Variants in PAM observed in about 807,000 individuals in gnomAD.
The protein encoded by PAM is peptidylglycine alpha-amidating monooxygenase, also known as peptidyl-glycine alpha-amidating monooxygenase.
Under a neutral mutation model 122.1 loss-of-function variants are expected in PAM, and 72 were observed. The ratio of observed to expected loss-of-function variants is 0.59; its 90% CI spans 0.49 to 0.72. The LOEUF is 0.72. Among genes scored for constraint, PAM ranks in the 30% least tolerant of loss-of-function variants. The probability of loss-of-function intolerance (pLI) is 0.00; values close to 1 mark genes in which losing one functional copy is unlikely to be tolerated. For synonymous variants in PAM, 389 were observed against 404.4 expected, an observed-to-expected ratio of 0.96 and a Z score of 0.46; for missense variants, 1,106 against 1,183.7, an observed-to-expected ratio of 0.93 and a Z score of 0.96.
intron 5 of PAM, among the ~76,000 whole-genome samples, chr5:102,916,917 G>A (rs1803306884): frequency 6.6e-6 from 1 of 151,666 alleles, no homozygotes; most frequent in East Asian, 1.9e-4. Flanking sequence ...ATTTTTAGTA[G>A]AGATGGGGTT....
chr5:102,974,689 T>C, intron 15 of PAM: 1 of 317,184 alleles, frequency 3.2e-6, no homozygotes, highest in Non-Finnish European at 5.7e-6. Context: ...GACCAAAAAA[T>C]ATTTGGATCA....
intron 16 of PAM, among the ~76,000 whole-genome samples, chr5:102,991,086 C>T (rs1342860262): frequency 6.6e-6 from 1 of 152,116 alleles, no homozygotes; most frequent in East Asian, 1.9e-4. Flanking sequence ...AGTGTTTCCT[C>T]TGAGTTACCA....
intron 1 of PAM, among the ~76,000 whole-genome samples, chr5:102,825,260 C>A (rs567652527): frequency 6.6e-6 from 1 of 152,216 alleles, no homozygotes; most frequent in South Asian, 2.1e-4. Context: ...CTCTCTAGAT[C>A]CATCCAGGTG....
rs576909350 is a variant in PAM, at chr5:102,890,133, T to A, written c.211-11223T>A. 3.9e-5 allele frequency among the ~76,000 whole-genome samples: 6 copies of A among 152,034 alleles called. No homozygotes were observed. The East Asian group carries it at 1.2e-3, about 30-fold the overall frequency. On this transcript the variant is annotated intron_variant, in intron 3 of 25. Transcript: ENST00000438793. ...GCTGATTGCATCACTAGAGTATCAT[T>A]TAACATGTTTCTCTGTTCTTTTTCT...
intron 3 of PAM, among the ~76,000 whole-genome samples, chr5:102,885,867 A>G (rs1222215085): frequency 3.3e-5 from 5 of 151,988 alleles, no homozygotes; most frequent in African/African-American, 9.7e-5. Flanking sequence ...GTTGAAATGA[A>G]TAAGGTGTTT....
chr5:103,007,018 A>C lies in PAM; in HGVS notation c.2014+7A>C, dbSNP rs778438162. The C allele has an allele frequency of 1.3e-6, 2 of 1,585,502 alleles. No homozygotes were observed. Among genetic ancestry groups the C allele is most frequent in the East Asian group, 2.2e-5 (1 of 44,678 alleles). ...ATCACACAGTGGGGAGAAGGTACCCAATAAGACTCTTAATCTCCAGTTGTA... is the reference window on the plus strand; with the variant it reads ...ATCACACAGTGGGGAGAAGGTACCCCATAAGACTCTTAATCTCCAGTTGTA... On this transcript the variant is annotated splice_region_variant and intron_variant, in intron 19 of 25. Coordinates refer to ENST00000438793, the MANE Select transcript of PAM (RefSeq NM_001177306.2).
intron 1 of PAM, among the ~76,000 whole-genome samples, chr5:102,757,130 A>G (rs1157822435): frequency 1.3e-5 from 2 of 152,158 alleles, no homozygotes; most frequent in Non-Finnish European, 1.5e-5. Flanking sequence ...GTTCCGTACC[A>G]GCCTGGCCGA....
chr5:102,768,769 T>C (rs1238296162), intron 1 of PAM, among the ~76,000 whole-genome samples: 1 of 152,212 alleles, frequency 6.6e-6, no homozygotes, highest in Non-Finnish European at 1.5e-5. Context: ...TTTCCAAATC[T>C]TGGCCATTGT....
chr5:102,989,816 A>ATAGATAGG, intron 15 of PAM: 1 of 152,174 alleles, frequency 6.6e-6, no homozygotes, highest in East Asian at 1.9e-4. Flanking sequence ...AGATAGATAG[A>ATAGATAGG]TAGATAGATA....
chr5:102,907,434 G>A (rs1004197072), intron 4 of PAM, among the ~76,000 whole-genome samples: 2 of 151,136 alleles, frequency 1.3e-5, no homozygotes, highest in Non-Finnish European at 3.0e-5. Flanking sequence ...ATAAACATAC[G>A]TGTGCTTGTG....
At chr5:102,814,873 A>G (rs779835609) in intron 1 of PAM, among the ~76,000 whole-genome samples, 5 of 151,766 alleles carry the variant, frequency 3.3e-5, no homozygotes, top group South Asian at 2.1e-4. Context: ...TAAAACTCAC[A>G]TATCTTTCTT....
chr5:102,811,185 G>T (rs1344046381), intron 1 of PAM, among the ~76,000 whole-genome samples: 1 of 152,190 alleles, frequency 6.6e-6, no homozygotes, highest in Admixed American at 6.5e-5. Flanking sequence ...GTAACAAATT[G>T]CCACCAACTT....
intron 16 of PAM, among the ~76,000 whole-genome samples, chr5:103,002,005 AACAC>A (rs571140915): frequency 1.0e-3 from 158 of 151,916 alleles, no homozygotes; most frequent in African/African-American, 3.6e-3. Flanking sequence ...TATATTTATA[AACAC>A]ACACACATAC....
At chr5:103,022,893 A>G (rs1422831820) in intron 23 of PAM, among the ~76,000 whole-genome samples, 1 of 152,146 alleles carries the variant, frequency 6.6e-6, no homozygotes, top group Admixed American at 6.6e-5. Flanking sequence ...TACCCCACAT[A>G]CAAATGCTCT....
intron 23 of PAM, among the ~76,000 whole-genome samples, chr5:103,021,236 T>A (rs1196208823): frequency 6.6e-6 from 1 of 152,186 alleles, no homozygotes; most frequent in South Asian, 2.1e-4. Context: ...TACCAAAGCC[T>A]GCACTCTTAA....
rs369393784 is a variant in PAM, at chr5:102,759,781, G to T, written c.-374+4433G>T. Among the ~76,000 whole-genome samples, 27 of 152,236 alleles carry T rather than the reference G, an allele frequency of 1.8e-4. No homozygotes were observed. The South Asian group carries it at 5.4e-3, about 30-fold the overall frequency. On this transcript the variant is annotated intron_variant, in intron 1 of 25. Coordinates refer to ENST00000438793, the MANE Select transcript of PAM (RefSeq NM_001177306.2). The stretch of plus-strand genomic sequence containing the variant: ...TGGCTTTGTGGAACTTGCTAAGGAG[G>T]GGTGGCCTAATTCTAAGGACAGTGG...
chr5:102,993,643 A>G (rs953909397), intron 16 of PAM, among the ~76,000 whole-genome samples: 1 of 152,180 alleles, frequency 6.6e-6, no homozygotes, highest in Non-Finnish European at 1.5e-5. Context: ...ATTAGTTTGT[A>G]TAAGTGAAAA....
intron 16 of PAM, among the ~76,000 whole-genome samples, chr5:102,994,309 CT>C (rs2150866620): frequency 6.6e-6 from 1 of 152,192 alleles, no homozygotes; most frequent in South Asian, 2.1e-4. Flanking sequence ...GTTACTTCAC[CT>C]TTTAGTAATA....
chr5:102,929,079 T>C (rs937196518), intron 7 of PAM, among the ~76,000 whole-genome samples: 19 of 152,100 alleles, frequency 1.2e-4, no homozygotes, highest in Non-Finnish European at 2.9e-5. Flanking sequence ...AAAGGTAGGA[T>C]TGGGTGATTT....
Sources: allele counts gnomAD v4.1 joint callset (sites outside exome capture counted in the v4.1 genomes callset), GRCh38; gene constraint gnomAD v4.1.1; transcripts MANE v1.5; gene names NCBI Gene and HGNC (gene_info 2026-07-23, HGNC 2026-07-21).